Variants in GRM4 observed in about 807,000 individuals in gnomAD.
GRM4 encodes the protein glutamate metabotropic receptor 4.
Under a neutral mutation model 81.7 loss-of-function variants are expected in GRM4, and 28 were observed. The observed-to-expected ratio is 0.34, with a 90% confidence interval of 0.25 to 0.47. GRM4 has a LOEUF of 0.47. Among genes scored for constraint, GRM4 ranks in the 20% least tolerant of loss-of-function variants. The probability of loss-of-function intolerance (pLI) is 1.00; values close to 1 mark genes in which losing one functional copy is unlikely to be tolerated. For missense variants in GRM4, 948 were observed against 1,290.0 expected (o/e 0.73, Z 4.06); for synonymous variants, 488 against 528.8 (o/e 0.92, Z 1.06).
chr6:34,110,964 G>GT (rs1769351663), intron 2 of GRM4: 1 of 745,900 alleles, frequency 1.3e-6, no homozygotes. Context: ...GTGCCCCACA[G>GT]ACTGCAAGGA....
chr6:34,035,568 G>T lies in GRM4; in HGVS notation c.2442+100C>A. The T allele has an allele frequency of 1.5e-6, 1 of 657,636 alleles. No homozygotes were observed. The allele number at this position is 657,636 out of a possible 1,614,324, so 40.7% of individuals were successfully genotyped here. A position where few individuals can be genotyped will look rare whatever the true frequency, so the allele number is the denominator to read the frequency against. ...AAGGCAGAATGAGGCATGAAAGAAG[G>T]CATTTCTGGAGCAGGGGGGAGGCCA... On this transcript the variant is annotated intron_variant, in intron 9 of 10. Transcript: ENST00000538487. The surrounding 1 kb of genome is among the most constrained non-coding windows in gnomAD (Gnocchi z 6.6).
intron 2 of GRM4, among the ~76,000 whole-genome samples, chr6:34,131,856 G>T (rs968218583): frequency 6.6e-6 from 1 of 152,078 alleles, no homozygotes; most frequent in African/African-American, 2.4e-5. Flanking sequence ...CAGAGGCCGA[G>T]AATCTGACAC....
rs1182328682 is a variant in GRM4, at chr6:34,121,043, G to A, written c.519+11935C>T. On this transcript the variant is annotated intron_variant, in intron 2 of 10. Transcript: ENST00000538487. This position sits in a 1 kb window ranked among gnomAD's most constrained non-coding sequence, Gnocchi z 4.6. ...TTTATTAAGATACGTGCACACCTTGGTGAAAGAGAGTAAGCCCTTCATGAC... is the reference window on the plus strand; with the variant it reads ...TTTATTAAGATACGTGCACACCTTGATGAAAGAGAGTAAGCCCTTCATGAC... 6.6e-6 allele frequency among the ~76,000 whole-genome samples: 1 copy of A among 152,158 alleles called. No individual in the cohort carries two copies. Among genetic ancestry groups the A allele is most frequent in the Non-Finnish European group, 1.5e-5 (1 of 68,040 alleles).
At chr6:34,142,471 C>T (rs543465105) in intron 1 of GRM4, among the ~76,000 whole-genome samples, 2 of 152,274 alleles carry the variant, frequency 1.3e-5, no homozygotes, top group South Asian at 4.2e-4. Flanking sequence ...GGAGAGAGGA[C>T]ACGTCTATCG....
Position 34,090,642 on chromosome 6 carries a change from C to T in GRM4, c.736+1241G>A, listed in dbSNP as rs145931369. Among the ~76,000 whole-genome samples, 27 of 152,048 alleles carry T rather than the reference C, an allele frequency of 1.8e-4. No homozygotes were observed. The highest frequency in any genetic ancestry group is 3.4e-4 in the Non-Finnish European group (23 of 67,940). ...CAGTCAGTGCTGCCCCACTTCCCGC[C>T]GCCCCGCTGCCCCCTCCACCAGGTG... On this transcript the variant is annotated intron_variant, in intron 3 of 10. Transcript: ENST00000538487. This position sits in a 1 kb window ranked among gnomAD's most constrained non-coding sequence, Gnocchi z 5.2.
intron 2 of GRM4, among the ~76,000 whole-genome samples, chr6:34,117,776 TC>T (rs1769655157): frequency 6.6e-6 from 1 of 152,060 alleles, no homozygotes; most frequent in South Asian, 2.1e-4. Flanking sequence ...AGGAAGGGCC[TC>T]CCACCTCCTG....
intron 1 of GRM4, among the ~76,000 whole-genome samples, chr6:34,154,352 C>T (rs1771103965): frequency 1.3e-5 from 2 of 152,204 alleles, no homozygotes; most frequent in African/African-American, 4.8e-5. Flanking sequence ...ATTACCTTCT[C>T]TTCGGCACCC....
chr6:34,122,988 C>G (rs59775275), intron 2 of GRM4, among the ~76,000 whole-genome samples: 16,627 of 152,130 alleles, frequency 0.11, 1,558 homozygotes, highest in African/African-American at 0.25. Context: ...GGAGGCAGGC[C>G]GTGGAAGGCA....
intron 6 of GRM4, among the ~76,000 whole-genome samples, chr6:34,053,324 TCTC>T (rs1276859473): frequency 1.3e-5 from 2 of 152,116 alleles, no homozygotes; most frequent in Admixed American, 6.5e-5. Flanking sequence ...CCTAAGGCCT[TCTC>T]CTGTGGGACA....
In GRM4 at chr6:34,103,501, C is replaced by A. The variant is rs748815867; in HGVS notation, c.520-11402G>T. 4 of 1,134,874 alleles carry A rather than the reference C, an allele frequency of 3.5e-6. No homozygotes were observed. In the Admixed American group the frequency reaches 8.0e-5, roughly 23 times the overall value. The allele number at this position is 1,134,874 out of a possible 1,614,324, so 70.3% of individuals were successfully genotyped here. On this transcript the variant is annotated intron_variant, in intron 2 of 10. Transcript: ENST00000538487. ...CGAGAGAGCAGGCGGGGGCGGCGGG[C>A]GAGGGAGAGCAAACGCGATCCTCAA...
rs1421343052 is a variant in GRM4, at chr6:34,056,690, A to AGGGAACCAGGAC, written c.1028-18_1028-7dup. The AGGGAACCAGGAC allele has an allele frequency of 8.1e-6, 13 of 1,612,264 alleles. No homozygotes were observed. The South Asian group carries it at 1.4e-4, about 18-fold the overall frequency. On this transcript the variant is annotated splice_polypyrimidine_tract_variant and splice_region_variant and intron_variant, in intron 5 of 10. Transcript: ENST00000538487. ...GGAGAAGTAGCGGTCGAAGCCTGGC[A>AGGGAACCAGGAC]GGGAACCAGGACGTCAGGGCCTCAC...
intron 8 of GRM4, among the ~76,000 whole-genome samples, chr6:34,038,772 G>C (rs149083173): frequency 6.6e-6 from 1 of 152,308 alleles, no homozygotes; most frequent in Non-Finnish European, 1.5e-5. Flanking sequence ...CCATGAAGAC[G>C]GTCTGGCCGG....
intron 1 of GRM4, among the ~76,000 whole-genome samples, chr6:34,138,999 T>C (rs1180959752): frequency 6.6e-6 from 1 of 152,228 alleles, no homozygotes; most frequent in East Asian, 1.9e-4. Flanking sequence ...TCTTGGAACC[T>C]TCAACCCACC....
At chr6:34,106,370 G>C (rs879762333) in intron 2 of GRM4, among the ~76,000 whole-genome samples, 2 of 150,274 alleles carry the variant, frequency 1.3e-5, no homozygotes, top group Non-Finnish European at 3.0e-5. Context: ...AGCTGAGATC[G>C]CACCACTGCA....
At chr6:34,119,288 C>A (rs148946063) in intron 2 of GRM4, among the ~76,000 whole-genome samples, 1 of 152,132 alleles carries the variant, frequency 6.6e-6, no homozygotes, top group African/African-American at 2.4e-5. Context: ...CCCAGTTACT[C>A]GGGAGGCTAA....
chr6:34,129,753 T>C (rs917949033), intron 2 of GRM4, among the ~76,000 whole-genome samples: 58 of 152,302 alleles, frequency 3.8e-4, no homozygotes, highest in African/African-American at 1.3e-3. Context: ...TTATCAGGGT[T>C]CAGCCTCCAC....
exon 1 of GRM4, chr6:34,155,567 C>G (rs1366297132): frequency 2.0e-6 from 1 of 489,252 alleles, no homozygotes; most frequent in Non-Finnish European, 3.6e-6. Context: ...GCCATGTTGC[C>G]CAGGCTGGTC....
Position 34,074,318 on chromosome 6 carries a change from A to G in GRM4, c.737-12290T>C, listed in dbSNP as rs1767195938. On this transcript the variant is annotated intron_variant, in intron 3 of 10. Transcript: ENST00000538487. The surrounding 1 kb of genome is among the most constrained non-coding windows in gnomAD (Gnocchi z 4.9). ...GGATGGTATGAACCCTGTCCCCGAG[A>G]CATAGCAGGGTTGCGGTGAGGATTA... is the stretch of plus-strand genomic sequence containing the variant. Among the ~76,000 whole-genome samples, 1 of 152,208 alleles carries G rather than the reference A, an allele frequency of 6.6e-6. No homozygotes were observed. The highest frequency in any genetic ancestry group is 1.5e-5 in the Non-Finnish European group (1 of 68,030).
In GRM4 at chr6:34,080,659, C is replaced by T. The variant is rs1216698866; in HGVS notation, c.736+11224G>A. Reference sequence around the variant, plus strand: ...GGCCCGGGTCCCACCTTCTGAGTCCCTGAAAGTCCCAGAAGCATGAGGGGA... The same window carrying T: ...GGCCCGGGTCCCACCTTCTGAGTCCTTGAAAGTCCCAGAAGCATGAGGGGA... On this transcript the variant is annotated intron_variant, in intron 3 of 10. Coordinates refer to ENST00000538487, the MANE Select transcript of GRM4 (RefSeq NM_000841.4). The surrounding 1 kb of genome is among the most constrained non-coding windows in gnomAD (Gnocchi z 5.4). Among the ~76,000 whole-genome samples the T allele has an allele frequency of 6.6e-6, 1 of 152,074 alleles. No homozygotes were observed. The highest frequency in any genetic ancestry group is 2.4e-5 in the African/African-American group (1 of 41,386).
Sources: allele counts gnomAD v4.1 joint callset (sites outside exome capture counted in the v4.1 genomes callset), GRCh38; gene constraint gnomAD v4.1.1; non-coding constraint Gnocchi (gnomAD v3.1); transcripts MANE v1.5; gene names NCBI Gene and HGNC (gene_info 2026-07-23, HGNC 2026-07-21).